The following TPO variants were observed in gnomAD, a reference collection of about 807,000 sequenced individuals.
The protein encoded by TPO is thyroid peroxidase, also known as thyroid microsomal antigen.
TPO carries 78 observed loss-of-function variants against 96.9 expected under a neutral mutation model. That is an observed-to-expected ratio of 0.81 (90% CI 0.67 to 0.97). The LOEUF is 0.97. TPO is among the 50% of genes least tolerant of loss of function. TPO has a pLI of 0.00. For missense variants in TPO, 1,252 were observed against 1,274.8 expected (o/e 0.98, Z 0.27); for synonymous variants, 547 against 538.0 (o/e 1.02, Z -0.23).
intron 1 of TPO, among the ~76,000 whole-genome samples, chr2:1,381,411 TAG>T (rs1558241704): frequency 6.6e-6 from 1 of 152,058 alleles, no homozygotes; most frequent in African/African-American, 2.4e-5. Flanking sequence ...AAGAAAGCCA[TAG>T]ACTTTTAAAC....
chr2:1,502,202 C>G (rs1221879475), intron 13 of TPO, among the ~76,000 whole-genome samples: 5 of 152,096 alleles, frequency 3.3e-5, no homozygotes. Flanking sequence ...CTCCACAGCT[C>G]TGCATAACGG....
chr2:1,480,191 T>C (rs898116136), intron 8 of TPO, among the ~76,000 whole-genome samples: 2 of 152,254 alleles, frequency 1.3e-5, no homozygotes, highest in African/African-American at 4.8e-5. Flanking sequence ...TTCTGCTTTT[T>C]AAAAAACTGT....
intron 13 of TPO, among the ~76,000 whole-genome samples, chr2:1,500,651 A>G (rs1672783638): frequency 6.6e-6 from 1 of 152,096 alleles, no homozygotes; most frequent in South Asian, 2.1e-4. Context: ...CTACTTATTC[A>G]CTCAAACTCA....
At chr2:1,491,743 C>G (rs981987007) in intron 10 of TPO, among the ~76,000 whole-genome samples, 3 of 152,148 alleles carry the variant, frequency 2.0e-5, no homozygotes, top group Non-Finnish European at 4.4e-5. Context: ...TTGGGATGGT[C>G]TAGGCTACAG....
chr2:1,463,894 T>C (rs558424447), intron 7 of TPO, among the ~76,000 whole-genome samples: 4 of 152,378 alleles, frequency 2.6e-5, no homozygotes, highest in Admixed American at 2.6e-4. Context: ...ATTATGTTCA[T>C]GTTGGAATTT....
At chr2:1,411,609 C>T (rs1244733620), upstream of TPO, among the ~76,000 whole-genome samples, 2 of 152,228 alleles carry the variant, frequency 1.3e-5, no homozygotes, top group African/African-American at 2.4e-5. Flanking sequence ...AGTGGCTTTA[C>T]TCCATCAGCT....
chr2:1,416,512 AAC>A (rs1278183294), intron 2 of TPO, among the ~76,000 whole-genome samples: 1 of 152,244 alleles, frequency 6.6e-6, no homozygotes, highest in African/African-American at 2.4e-5. Context: ...CTTTTGCTAA[AAC>A]AGTTTTTAAA....
At chr2:1,539,668 G>T (rs1261309634) in intron 15 of TPO, among the ~76,000 whole-genome samples, 1 of 152,162 alleles carries the variant, frequency 6.6e-6, no homozygotes, top group Non-Finnish European at 1.5e-5. Flanking sequence ...AGGACCTCGG[G>T]AGTTGTTTGT....
At chr2:1,525,165 G>A (rs115123616) in intron 15 of TPO, among the ~76,000 whole-genome samples, 94 of 83,860 alleles carry the variant, frequency 1.1e-3, no homozygotes, top group African/African-American at 4.1e-3. Flanking sequence ...ACCTCCTCAA[G>A]TCCCCCACTG....
At chr2:1,400,322 G>C (rs552029494) in intron 1 of TPO, among the ~76,000 whole-genome samples, 266 of 152,160 alleles carry the variant, frequency 1.7e-3, no homozygotes, top group African/African-American at 6.1e-3. Flanking sequence ...GTGAAACCCT[G>C]TCTCTACTAA....
chr2:1,390,019 CTT>C (rs5828818), intron 1 of TPO, among the ~76,000 whole-genome samples: 51 of 138,016 alleles, frequency 3.7e-4, no homozygotes, highest in African/African-American at 8.4e-4. Context: ...TCTTTCTTTT[CTT>C]TTTTTTTTTT....
chr2:1,495,764 C>T (rs1356566742), intron 11 of TPO, among the ~76,000 whole-genome samples: 1 of 152,028 alleles, frequency 6.6e-6, no homozygotes, highest in African/African-American at 2.4e-5. Flanking sequence ...TTCAGGTCCT[C>T]AGTGCCTGCA....
At chr2:1,467,237 G>T (rs1353992968) in intron 7 of TPO, among the ~76,000 whole-genome samples, 1 of 151,924 alleles carries the variant, frequency 6.6e-6, no homozygotes, top group Non-Finnish European at 1.5e-5. Flanking sequence ...CCGAGTAGCT[G>T]GGATTATAGG....
At chr2:1,415,977 C>T (rs1359169596) in intron 2 of TPO, among the ~76,000 whole-genome samples, 1 of 152,186 alleles carries the variant, frequency 6.6e-6, no homozygotes, top group African/African-American at 2.4e-5. Flanking sequence ...ACTGCCCGCT[C>T]TGAGATCAGG....
chr2:1,403,210 TC>T (rs1662197363), intron 1 of TPO, among the ~76,000 whole-genome samples: 1 of 152,162 alleles, frequency 6.6e-6, no homozygotes, highest in South Asian at 2.1e-4. Context: ...GCTCCATTCT[TC>T]TGGGGTGTGT....
intron 15 of TPO, among the ~76,000 whole-genome samples, chr2:1,519,523 A>G (rs1232450853): frequency 6.6e-6 from 1 of 152,212 alleles, no homozygotes; most frequent in African/African-American, 2.4e-5. Flanking sequence ...TAACCTTTAA[A>G]TGGTGTCTCT....
Position 1,457,673 on chromosome 2 carries a change from T to C in TPO, c.819+1391T>C, listed in dbSNP as rs567994724. Among the ~76,000 whole-genome samples the C allele has an allele frequency of 2.6e-5, 4 of 152,036 alleles. No homozygotes were observed. In the East Asian group the frequency reaches 5.8e-4, roughly 22 times the overall value. On this transcript the variant is annotated intron_variant, in intron 7 of 16. Coordinates refer to ENST00000329066, the MANE Select transcript of TPO (RefSeq NM_001206744.2). ...ACTGTGGGCACATGCATATATAGCA[T>C]ATATGATAGTGTGTGGGCAGATGTG... is the stretch of plus-strand genomic sequence containing the variant.
At chr2:1,480,799 C>CCTTCATCCGTCCAAACCACGTCCCTG (rs1670533899) in intron 8 of TPO, among the ~76,000 whole-genome samples, 1 of 97,698 alleles carries the variant, frequency 1.0e-5, no homozygotes, top group Non-Finnish European at 2.3e-5. Context: ...CCACCTTCCT[C>CCTTCATCCGTCCAAACCACGTCCCTG]CTGCTGCATC....
intron 15 of TPO, among the ~76,000 whole-genome samples, chr2:1,522,166 C>A (rs1315714901): frequency 7.2e-6 from 1 of 139,816 alleles, no homozygotes; most frequent in Non-Finnish European, 1.5e-5. Context: ...CCCACACTGG[C>A]CCTGCTACCA....
Sources: allele counts gnomAD v4.1 joint callset (sites outside exome capture counted in the v4.1 genomes callset), GRCh38; gene constraint gnomAD v4.1.1; transcripts MANE v1.5; gene names NCBI Gene and HGNC (gene_info 2026-07-23, HGNC 2026-07-21).